The following NRXN3 variants were observed in gnomAD, a reference collection of about 807,000 sequenced individuals.
NRXN3 encodes the protein neurexin III.
NRXN3 carries 32 observed loss-of-function variants against 137.6 expected under a neutral mutation model. The ratio of observed to expected loss-of-function variants is 0.23; its 90% CI spans 0.18 to 0.31. The LOEUF (loss-of-function observed/expected upper bound fraction) is 0.31. Ranked by LOEUF, NRXN3 falls within the 10% of genes least tolerant of loss-of-function variation. The pLI is 1.00. For missense variants in NRXN3, 1,574 were observed against 2,062.5 expected, an observed-to-expected ratio of 0.76 and a Z score of 4.59; for synonymous variants, 798 against 784.5, an observed-to-expected ratio of 1.02 and a Z score of -0.29.
At chr14:79,496,237 TCACACACACACACACACAGACACA>T (rs2096765795) in intron 16 of NRXN3, among the ~76,000 whole-genome samples, 3 of 144,988 alleles carry the variant, frequency 2.1e-5, no homozygotes, top group South Asian at 2.6e-4. Context: ...TCTCTCTCTC[TCACACACACACACACACAGACACA>T]CACACACACA....
Position 78,895,774 on chromosome 14 carries a change from A to G in NRXN3, c.2276-61468A>G, listed in dbSNP as rs374490237. ...TACTTAGGCCTTTGTGGGAGTATTA[A>G]TTGGCCTAATTTCTATATTATTGTG... is the stretch of plus-strand genomic sequence containing the variant. On this transcript the variant is annotated intron_variant, in intron 10 of 20. Coordinates refer to ENST00000335750, the MANE Select transcript of NRXN3 (RefSeq NM_001330195.2). Among the ~76,000 whole-genome samples, 98 of 151,944 alleles carry G rather than the reference A, an allele frequency of 6.4e-4. 1 individual carries two copies. The Middle Eastern group carries it at 0.01, about 16-fold the overall frequency.
intron 15 of NRXN3, among the ~76,000 whole-genome samples, chr14:79,007,438 GA>G (rs976529327): frequency 1.1e-4 from 15 of 135,048 alleles, no homozygotes; most frequent in Admixed American, 5.4e-4. Context: ...AATTGTCTCT[GA>G]AAAAAAAAAG....
Position 78,225,973 on chromosome 14 carries a change from T to TGG in NRXN3, c.-703-16417_-703-16416dup, listed in dbSNP as rs71771741. ...TTTTGGTGTGTGTGTGTGTGTGTGT[T>TGG]GGTGTGTGTGTGTGTGTGTGTGTGT... On this transcript the variant is annotated intron_variant, in intron 1 of 20. Transcript: ENST00000335750. Among the ~76,000 whole-genome samples, 3 of 23,454 alleles carry TGG rather than the reference T, an allele frequency of 1.3e-4. No individual in the cohort carries two copies. The East Asian group carries it at 5.4e-3, about 42-fold the overall frequency. The allele number at this position is 23,454 out of a possible 152,430, so 15.4% of individuals were successfully genotyped here.
intron 10 of NRXN3, among the ~76,000 whole-genome samples, chr14:78,953,181 A>G (rs1567805166): frequency 6.6e-6 from 1 of 152,206 alleles, no homozygotes. Flanking sequence ...TAATGCTCAA[A>G]TATAGATTTT....
chr14:79,701,753 A>C (rs7150064), intron 19 of NRXN3, among the ~76,000 whole-genome samples: 11,971 of 152,102 alleles, frequency 0.079, 515 homozygotes, highest in Middle Eastern at 0.13. Flanking sequence ...CAATAGGAGG[A>C]GGAGTAGCAA....
intron 16 of NRXN3, among the ~76,000 whole-genome samples, chr14:79,513,283 T>C (rs1037694221): frequency 1.5e-4 from 22 of 146,194 alleles, no homozygotes; most frequent in African/African-American, 6.0e-4. Context: ...TCAGACATTT[T>C]ATTTGTTGGT....
At chr14:79,147,792 T>G (rs1015595226) in intron 15 of NRXN3, among the ~76,000 whole-genome samples, 24 of 152,080 alleles carry the variant, frequency 1.6e-4, no homozygotes, top group African/African-American at 5.8e-4. Context: ...GATGCCACCT[T>G]TACTATAAGA....
At chr14:78,782,101 A>G (rs997186886) in intron 8 of NRXN3, among the ~76,000 whole-genome samples, 1 of 152,198 alleles carries the variant, frequency 6.6e-6, no homozygotes, top group African/African-American at 2.4e-5. Flanking sequence ...GGGTCTGCCA[A>G]GCTCCAGCAC....
intron 4 of NRXN3, among the ~76,000 whole-genome samples, chr14:78,391,713 GAGAA>G (rs1236688447): frequency 6.6e-6 from 1 of 152,084 alleles, no homozygotes; most frequent in East Asian, 1.9e-4. Context: ...ACCCAATGAA[GAGAA>G]AGAAAACAGA....
intron 15 of NRXN3, among the ~76,000 whole-genome samples, chr14:79,443,807 A>C (rs1046133287): frequency 6.6e-6 from 1 of 152,220 alleles, no homozygotes; most frequent in African/African-American, 2.4e-5. Context: ...AAGCCAGATT[A>C]CTTAACTTGC....
intron 4 of NRXN3, among the ~76,000 whole-genome samples, chr14:78,507,031 T>C (rs2096008455): frequency 6.6e-6 from 1 of 152,208 alleles, no homozygotes; most frequent in Admixed American, 6.5e-5. Flanking sequence ...AATGTTGCAA[T>C]TAATTTGAGT....
At chr14:79,512,798 G>A (rs973836234) in intron 16 of NRXN3, among the ~76,000 whole-genome samples, 17 of 152,010 alleles carry the variant, frequency 1.1e-4, no homozygotes, top group East Asian at 3.9e-4. Context: ...TCCACAGTCC[G>A]TCTCTTCTAG....
At chr14:78,332,391 C>T (rs1160504445) in intron 4 of NRXN3, among the ~76,000 whole-genome samples, 1 of 150,296 alleles carries the variant, frequency 6.7e-6, no homozygotes, top group African/African-American at 2.5e-5. Context: ...TCTCAGCTCA[C>T]TGCAACCTCT....
Position 78,521,887 on chromosome 14 carries a change from C to T in NRXN3, c.758-123233C>T, listed in dbSNP as rs145270839. On this transcript the variant is annotated intron_variant, in intron 4 of 20. Transcript: ENST00000335750. The stretch of plus-strand genomic sequence containing the variant: ...AGGATGTAAATTAACTTATTGTTGT[C>T]CTTTATTGTTTGAAAAATTCTTATC... Among the ~76,000 whole-genome samples, 109 of 152,156 alleles carry T rather than the reference C, an allele frequency of 7.2e-4. No individual in the cohort carries two copies. The East Asian group carries it at 0.018, about 25-fold the overall frequency.
rs528636567 is a variant in NRXN3, at chr14:79,656,618, T to C, written c.3445-7160T>C. ...TGTCATCCCTACTCTCTCTCTCTCT[T>C]TTTTTTTTTTTTTTGCTTGGAGTCA... is the stretch of plus-strand genomic sequence containing the variant. On this transcript the variant is annotated intron_variant, in intron 16 of 20. Transcript: ENST00000335750. Among the ~76,000 whole-genome samples, 136 of 86,268 alleles carry C rather than the reference T, an allele frequency of 1.6e-3. 3 individuals are homozygous for C. Among genetic ancestry groups the C allele is most frequent in the Middle Eastern group, 8.5e-3 (1 of 118 alleles). 56.6% of individuals were successfully genotyped at this position (86,268 alleles called of 152,430 possible). A position where few individuals can be genotyped will look rare whatever the true frequency, so the allele number is the denominator to read the frequency against.
chr14:79,358,343 A>G (rs2093504273), intron 15 of NRXN3, among the ~76,000 whole-genome samples: 1 of 151,740 alleles, frequency 6.6e-6, no homozygotes, highest in African/African-American at 2.4e-5. Context: ...GGCAGAGGCG[A>G]GCCGATCACG....
intron 4 of NRXN3, among the ~76,000 whole-genome samples, chr14:78,371,395 C>T (rs2086809955): frequency 6.6e-6 from 1 of 152,178 alleles, no homozygotes; most frequent in Non-Finnish European, 1.5e-5. Context: ...ACCTCCCCTT[C>T]TGCTGAGAGC....
chr14:79,848,005 G>A (rs963150031), intron 20 of NRXN3, among the ~76,000 whole-genome samples: 1 of 150,816 alleles, frequency 6.6e-6, no homozygotes, highest in Non-Finnish European at 1.5e-5. Context: ...ATGCTTATTT[G>A]GTGCTTTTTA....
intron 15 of NRXN3, among the ~76,000 whole-genome samples, chr14:78,998,053 C>T (rs939678583): frequency 6.6e-6 from 1 of 152,184 alleles, no homozygotes; most frequent in Non-Finnish European, 1.5e-5. Flanking sequence ...CAGAAATTCT[C>T]TCCAGGCAGT....
Sources: gnomAD v4.1 joint callset for allele counts (sites outside exome capture counted in the v4.1 genomes callset) on GRCh38, gnomAD v4.1.1 for gene constraint, MANE v1.5 for transcripts, NCBI Gene and HGNC (gene_info 2026-07-23, HGNC 2026-07-21) for gene names.